The following RELCH variants were observed in gnomAD, a reference collection of about 807,000 sequenced individuals.
RELCH encodes RAB11 binding and LisH domain, coiled-coil and HEAT repeat containing.
RELCH carries 41 observed loss-of-function variants against 150.3 expected under a neutral mutation model. That is an observed-to-expected ratio of 0.27 (90% confidence interval 0.21 to 0.35). The LOEUF is 0.35. Among genes scored for constraint, RELCH ranks in the 10% least tolerant of loss-of-function variants. The pLI is 1.00. For synonymous variants in RELCH, 478 were observed against 531.8 expected (o/e 0.90, Z 1.39); for missense variants, 1,092 against 1,467.8 (o/e 0.74, Z 4.18).
intron 8 of RELCH, among the ~76,000 whole-genome samples, chr18:62,230,472 C>A (rs2041503584): frequency 6.6e-6 from 1 of 151,960 alleles, no homozygotes; most frequent in Non-Finnish European, 1.5e-5. Flanking sequence ...ACTAAATAAG[C>A]TTTATTATCT....
intron 8 of RELCH, among the ~76,000 whole-genome samples, chr18:62,230,917 A>G (rs974001660): frequency 6.6e-5 from 10 of 152,022 alleles, no homozygotes; most frequent in Admixed American, 6.6e-4. Context: ...CTACTATACC[A>G]CTTTAGGTTT....
chr18:62,300,417 T>C (rs1012480844), intron 28 of RELCH: 3 of 152,184 alleles, frequency 2.0e-5, no homozygotes, highest in Admixed American at 6.5e-5. Flanking sequence ...CCACCCTTCC[T>C]CTGAAGTCTA....
At position 62,274,104 on chromosome 18, in the gene RELCH, A is replaced by C; in HGVS notation, c.2867+18A>C. The C allele has an allele frequency of 6.5e-7, 1 of 1,527,250 alleles. No individual in the cohort carries two copies. The highest frequency in any genetic ancestry group is 2.3e-5 in the East Asian group (1 of 44,276). 94.6% of individuals were successfully genotyped at this position (1,527,250 alleles called of 1,614,324 possible). ...GAATTGGGGTAAGAAATAACAGCTT[A>C]TAGTTTGCTAAAAGGCATATAAAGT... On this transcript the variant is annotated intron_variant, in intron 21 of 28. Transcript: ENST00000644646.
chr18:62,200,964 C>CTTTTTTTT (rs543882947), intron 1 of RELCH, among the ~76,000 whole-genome samples: 20 of 55,002 alleles, frequency 3.6e-4, no homozygotes, highest in Non-Finnish European at 4.4e-4. Flanking sequence ...TTTTTCTTTG[C>CTTTTTTTT]TTTTTTTTTT....
chr18:62,228,627 C>G, intron 8 of RELCH, 29 bp downstream of exon 8: 1 of 1,524,780 alleles, frequency 6.6e-7, no homozygotes, highest in Non-Finnish European at 8.9e-7. Context: ...TTTTGAAATG[C>G]ATCTTTCAGC....
intron 10 of RELCH, among the ~76,000 whole-genome samples, chr18:62,238,935 C>T (rs1158623769): frequency 6.6e-6 from 1 of 152,112 alleles, no homozygotes; most frequent in African/African-American, 2.4e-5. Flanking sequence ...GTAGTTGGTA[C>T]CTCTACAGAC....
chr18:62,194,135 C>A (rs1033576219), intron 1 of RELCH, among the ~76,000 whole-genome samples: 1 of 152,082 alleles, frequency 6.6e-6, no homozygotes, highest in Non-Finnish European at 1.5e-5. Flanking sequence ...GTGGTCCCAG[C>A]TATTTGAGAG....
intron 27 of RELCH, among the ~76,000 whole-genome samples, chr18:62,294,652 T>C (rs1222451148): frequency 1.3e-5 from 2 of 152,218 alleles, no homozygotes. Context: ...ATTTTTGGCA[T>C]CTTCGAACAC....
At chr18:62,284,944 G>A (rs370830162) in intron 25 of RELCH, among the ~76,000 whole-genome samples, 2 of 151,958 alleles carry the variant, frequency 1.3e-5, no homozygotes, top group East Asian at 1.9e-4. Flanking sequence ...ATGTTCAGTC[G>A]TACATTGGAG....
At chr18:62,199,783 G>A (rs1160101707) in intron 1 of RELCH, among the ~76,000 whole-genome samples, 2 of 152,070 alleles carry the variant, frequency 1.3e-5, no homozygotes, top group East Asian at 1.9e-4. Flanking sequence ...CTTTGCTGTC[G>A]GAGAGCTTGA....
At chr18:62,283,653 GT>G (rs753573110) in intron 25 of RELCH, among the ~76,000 whole-genome samples, 1 of 152,084 alleles carries the variant, frequency 6.6e-6, no homozygotes, top group Non-Finnish European at 1.5e-5. Flanking sequence ...TTTTCACTAG[GT>G]AAGTGTCTTT....
At chr18:62,188,358 C>T (rs2038313594) in intron 1 of RELCH, among the ~76,000 whole-genome samples, 1 of 152,196 alleles carries the variant, frequency 6.6e-6, no homozygotes, top group Admixed American at 6.5e-5. Context: ...TTGCTTTAAG[C>T]ATTTTCCTTT....
intron 16 of RELCH, 57 bp downstream of exon 16, chr18:62,261,715 A>G (rs2144693354): frequency 1.3e-6 from 2 of 1,487,296 alleles, no homozygotes; most frequent in Middle Eastern, 1.8e-4. Flanking sequence ...TAGCTTCCCA[A>G]AGAATTGTTT....
intron 13 of RELCH, among the ~76,000 whole-genome samples, chr18:62,257,575 CTT>C (rs2144643802): frequency 6.6e-6 from 1 of 152,030 alleles, no homozygotes; most frequent in South Asian, 2.1e-4. Context: ...TTGTAGTAGA[CTT>C]TGTTGATTTG....
intron 27 of RELCH, 56 bp from the exon 28 acceptor site, chr18:62,298,734 A>C (rs555756108): frequency 1.2e-6 from 1 of 811,292 alleles, no homozygotes; most frequent in South Asian, 1.5e-5. Context: ...ATTAGATTAA[A>C]CCATAGTATT....
At chr18:62,203,398 A>T (rs1048506892) in intron 1 of RELCH, among the ~76,000 whole-genome samples, 1 of 152,166 alleles carries the variant, frequency 6.6e-6, no homozygotes. Context: ...CGGAGGTTGC[A>T]GTGAGCCGAG....
intron 2 of RELCH, among the ~76,000 whole-genome samples, chr18:62,215,124 T>C (rs2040407293): frequency 6.6e-6 from 1 of 152,162 alleles, no homozygotes; most frequent in African/African-American, 2.4e-5. Context: ...GTAAATTCCA[T>C]CTCCCAATGA....
intron 1 of RELCH, among the ~76,000 whole-genome samples, chr18:62,188,924 T>A (rs2038385297): frequency 1.3e-5 from 2 of 152,226 alleles, no homozygotes. Context: ...TATGAGGCCA[T>A]ATATTAATTC....
intron 11 of RELCH, among the ~76,000 whole-genome samples, chr18:62,249,696 C>CT (rs1480573255): frequency 1.3e-5 from 2 of 151,856 alleles, no homozygotes; most frequent in African/African-American, 4.8e-5. Flanking sequence ...AAAGTACTTA[C>CT]TAGCCTTACT....
Sources: allele counts gnomAD v4.1 joint callset (sites outside exome capture counted in the v4.1 genomes callset), GRCh38; gene constraint gnomAD v4.1.1; transcripts MANE v1.5; gene names NCBI Gene and HGNC (gene_info 2026-07-23, HGNC 2026-07-21).